The following FGF12 variants were observed in gnomAD, a reference collection of about 807,000 sequenced individuals.
FGF12 encodes the protein fibroblast growth factor 12.
A neutral mutation model predicts 23.6 loss-of-function variants in FGF12; 14 were observed. The observed-to-expected ratio is 0.59, with a 90% CI of 0.39 to 0.93. FGF12 has a LOEUF of 0.93. Ranked by LOEUF, FGF12 falls within the 40% of genes least tolerant of loss-of-function variation. The pLI is 0.00. For missense variants in FGF12, 175 were observed against 217.8 expected (o/e 0.80, Z 1.24); for synonymous variants, 62 against 77.3 (o/e 0.80, Z 1.04).
At chr3:192,188,449 G>A (rs74988372) in intron 4 of FGF12, among the ~76,000 whole-genome samples, 3,329 of 152,290 alleles carry the variant, frequency 0.022, 140 homozygotes, top group African/African-American at 0.076. Flanking sequence ...GTTCCAAGAG[G>A]CTACAGTTGG....
intron 4 of FGF12, among the ~76,000 whole-genome samples, chr3:192,256,373 G>GCACA (rs35813494): frequency 1.3e-4 from 20 of 150,338 alleles, no homozygotes; most frequent in Admixed American, 4.6e-4. Flanking sequence ...TACTCATACC[G>GCACA]CACACACACA....
Position 192,409,362 on chromosome 3 carries a change from C to T in FGF12, c.14-48824G>A, listed in dbSNP as rs1048793142. ...GCTCCCCGCCATGGTCCACCCGGGG[C>T]CGCCGCACCGAGCTGGTCTCCGCAC... On this transcript the variant is annotated intron_variant, in intron 2 of 5. Transcript: ENST00000445105. The surrounding 1 kb of genome is among the most constrained non-coding windows in gnomAD (Gnocchi z 4.8). Among the ~76,000 whole-genome samples, 5 of 152,188 alleles carry T rather than the reference C, an allele frequency of 3.3e-5. No homozygotes were observed. The highest frequency in any genetic ancestry group is 1.2e-4 in the African/African-American group (5 of 41,474).
At position 192,660,850 on chromosome 3, in the gene FGF12, T is replaced by G. The variant is rs534641129; in HGVS notation, c.13+66331A>C. On this transcript the variant is annotated intron_variant, in intron 2 of 5. Coordinates refer to ENST00000445105, the MANE Select transcript of FGF12 (RefSeq NM_004113.6). ...GCCTCACTTTTGGAAATTCCAGGGTTGGATTCATGCTCAAGGAAAAGTAAA... is the reference window on the plus strand; with the variant it reads ...GCCTCACTTTTGGAAATTCCAGGGTGGGATTCATGCTCAAGGAAAAGTAAA... Among the ~76,000 whole-genome samples, 4 of 142,100 alleles carry G rather than the reference T, an allele frequency of 2.8e-5. No homozygotes were observed. The South Asian group carries it at 6.4e-4, about 23-fold the overall frequency. The allele number at this position is 142,100 out of a possible 152,430, so 93.2% of individuals were successfully genotyped here. A position where few individuals can be genotyped will look rare whatever the true frequency, so the allele number is the denominator to read the frequency against.
intron 2 of FGF12, among the ~76,000 whole-genome samples, chr3:192,513,091 C>T (rs1350268904): frequency 6.6e-6 from 1 of 151,696 alleles, no homozygotes; most frequent in East Asian, 1.9e-4. Context: ...ACTGCCCTGT[C>T]TTCATTACAT....
In FGF12 at chr3:192,516,125, A is replaced by C. The variant is rs190580511; in HGVS notation, c.14-155587T>G. 4.9e-3 allele frequency among the ~76,000 whole-genome samples: 717 copies of C among 147,050 alleles called. 9 individuals are homozygous for C. The highest frequency in any genetic ancestry group is 7.1e-3 in the Non-Finnish European group (484 of 68,024). On this transcript the variant is annotated intron_variant, in intron 2 of 5. Transcript: ENST00000445105. ...AAGTTAAAGATAGCATCTGTCTCAC[A>C]CACCCCCTGAGAGTTAAGAAAACAC...
chr3:192,284,461 T>A (rs925699153), intron 4 of FGF12, among the ~76,000 whole-genome samples: 3 of 152,078 alleles, frequency 2.0e-5, no homozygotes, highest in Non-Finnish European at 4.4e-5. Context: ...AAACATAGTA[T>A]TACCTTTGCA....
intron 4 of FGF12, among the ~76,000 whole-genome samples, chr3:192,312,134 G>A (rs1715980272): frequency 6.6e-6 from 1 of 150,950 alleles, no homozygotes; most frequent in Admixed American, 6.6e-5. Flanking sequence ...ACTTGATTGT[G>A]TCCTTTGAAG....
At chr3:192,356,769 C>T (rs1718489195) in intron 3 of FGF12, among the ~76,000 whole-genome samples, 1 of 152,106 alleles carries the variant, frequency 6.6e-6, no homozygotes, top group African/African-American at 2.4e-5. Flanking sequence ...TTTTTTCAAA[C>T]AATCAACTGC....
At position 192,173,020 on chromosome 3, in the gene FGF12, A is replaced by C. The variant is rs149218720; in HGVS notation, c.229-2364T>G. Among the ~76,000 whole-genome samples, 85 of 151,098 alleles carry C rather than the reference A, an allele frequency of 5.6e-4. 2 individuals carry two copies. The highest frequency in any genetic ancestry group is 2.0e-3 in the African/African-American group (82 of 41,422). On this transcript the variant is annotated intron_variant, in intron 4 of 5. Coordinates refer to ENST00000445105, the MANE Select transcript of FGF12 (RefSeq NM_004113.6). ...GATGAACCTCATACACATTATGTTA[A>C]GTGCAAGGAGCCAGATATAAAAGGC...
chr3:192,423,536 T>G (rs1268800395), intron 2 of FGF12, among the ~76,000 whole-genome samples: 2 of 152,152 alleles, frequency 1.3e-5, no homozygotes, highest in African/African-American at 4.8e-5. Flanking sequence ...TGACAAAGAT[T>G]TACGTGCAAA....
intron 2 of FGF12, among the ~76,000 whole-genome samples, chr3:192,705,484 A>G (rs777272898): frequency 2.0e-5 from 3 of 152,214 alleles, no homozygotes; most frequent in Non-Finnish European, 2.9e-5. Flanking sequence ...GGTGTGATAT[A>G]TTCTCTAGTA....
intron 2 of FGF12, among the ~76,000 whole-genome samples, chr3:192,453,871 C>A (rs892362582): frequency 2.0e-5 from 3 of 152,032 alleles, no homozygotes; most frequent in Non-Finnish European, 4.4e-5. Flanking sequence ...AACTTTATTT[C>A]TCTATAAACT....
chr3:192,227,660 T>C lies in FGF12; in HGVS notation c.229-57004A>G, dbSNP rs1024411159. 6.3e-4 allele frequency among the ~76,000 whole-genome samples: 95 copies of C among 150,140 alleles called. 1 individual carries two copies. The highest frequency in any genetic ancestry group is 2.3e-3 in the African/African-American group (92 of 40,848). On this transcript the variant is annotated intron_variant, in intron 4 of 5. Coordinates refer to ENST00000445105, the MANE Select transcript of FGF12 (RefSeq NM_004113.6). ...GTGAGCAAGAGGTAACTAGTAAGTATATGAAATTGAAGGAAAAATTGACTG... is the reference window on the plus strand; with the variant it reads ...GTGAGCAAGAGGTAACTAGTAAGTACATGAAATTGAAGGAAAAATTGACTG...
chr3:192,590,733 C>T (rs532040109), intron 2 of FGF12, among the ~76,000 whole-genome samples: 1 of 151,990 alleles, frequency 6.6e-6, no homozygotes, highest in South Asian at 2.1e-4. Flanking sequence ...TCACATGGAC[C>T]TTGCCACATT....
intron 3 of FGF12, among the ~76,000 whole-genome samples, chr3:192,355,437 T>C (rs1318732141): frequency 1.3e-5 from 2 of 152,220 alleles, no homozygotes; most frequent in African/African-American, 4.8e-5. Context: ...ATATCAAGAA[T>C]GTGCCCAGGT....
At chr3:192,696,157 T>TG (rs1300003263) in intron 2 of FGF12, among the ~76,000 whole-genome samples, 1 of 149,664 alleles carries the variant, frequency 6.7e-6, no homozygotes, top group African/African-American at 2.5e-5. Flanking sequence ...GCTCAGCTTT[T>TG]TTTTTTTTTT....
chr3:192,475,357 TA>T (rs1723287583), intron 2 of FGF12, among the ~76,000 whole-genome samples: 1 of 152,162 alleles, frequency 6.6e-6, no homozygotes, highest in Non-Finnish European at 1.5e-5. Context: ...CTTTCCCCCT[TA>T]ATCTATAAAC....
intron 4 of FGF12, among the ~76,000 whole-genome samples, chr3:192,303,983 CA>C (rs1715482010): frequency 6.6e-6 from 1 of 152,194 alleles, no homozygotes; most frequent in African/African-American, 2.4e-5. Flanking sequence ...TAAGCCATTT[CA>C]TCTTTATTTC....
intron 2 of FGF12, among the ~76,000 whole-genome samples, chr3:192,540,602 T>G (rs1467442759): frequency 6.6e-6 from 1 of 152,182 alleles, no homozygotes; most frequent in African/African-American, 2.4e-5. Context: ...GAGGAGAATA[T>G]GTATTCTGCA....
Sources: allele counts gnomAD v4.1 joint callset (sites outside exome capture counted in the v4.1 genomes callset), GRCh38; gene constraint gnomAD v4.1.1; non-coding constraint Gnocchi (gnomAD v3.1); transcripts MANE v1.5; gene names NCBI Gene and HGNC (gene_info 2026-07-23, HGNC 2026-07-21).